The following SLC35F3 variants were observed in gnomAD, a reference collection of about 807,000 sequenced individuals.
The protein encoded by SLC35F3 is putative thiamine transporter SLC35F3.
A neutral mutation model predicts 49.9 loss-of-function variants in SLC35F3; 25 were observed. The ratio of observed to expected loss-of-function variants is 0.50; its 90% CI spans 0.37 to 0.70. The LOEUF is 0.70. Among genes scored for constraint, SLC35F3 ranks in the 30% least tolerant of loss-of-function variants. SLC35F3 has a pLI of 0.00. For synonymous variants in SLC35F3, 275 were observed against 265.4 expected (o/e 1.04, Z -0.35); for missense variants, 525 against 639.8 (o/e 0.82, Z 1.94).
Position 234,316,471 on chromosome 1 carries a change from G to A in SLC35F3, c.829-131G>A, listed in dbSNP as rs1478531056. 5.6e-6 allele frequency: 7 copies of A among 1,247,858 alleles called. No homozygotes were observed. In the African/African-American group the frequency reaches 9.0e-5, roughly 16 times the overall value. 77.3% of individuals were successfully genotyped at this position (1,247,858 alleles called of 1,614,324 possible). On this transcript the variant is annotated intron_variant, in intron 4 of 7. Transcript: ENST00000366618. ...CTTTGCCTGTTGCTCTCCCAAGGAGGAACAAAAAGGAGACACCACTTTCCC... is the reference window on the plus strand; with the variant it reads ...CTTTGCCTGTTGCTCTCCCAAGGAGAAACAAAAAGGAGACACCACTTTCCC...
At chr1:234,147,170 A>C (rs1666010003) in intron 2 of SLC35F3, among the ~76,000 whole-genome samples, 4 of 148,988 alleles carry the variant, frequency 2.7e-5, no homozygotes, top group South Asian at 4.2e-4. Flanking sequence ...GACTTACCTT[A>C]TCTCTCCTAT....
intron 2 of SLC35F3, among the ~76,000 whole-genome samples, chr1:234,200,821 C>G (rs578099413): frequency 6.6e-6 from 1 of 152,184 alleles, no homozygotes; most frequent in Admixed American, 6.5e-5. Context: ...GCTGCAGCTG[C>G]GAGACAGACC....
chr1:234,235,745 A>G (rs551584529), intron 3 of SLC35F3, among the ~76,000 whole-genome samples: 2 of 152,316 alleles, frequency 1.3e-5, no homozygotes, highest in African/African-American at 4.8e-5. Flanking sequence ...AAGCCAGCCA[A>G]TTGATTCTGC....
intron 3 of SLC35F3, among the ~76,000 whole-genome samples, chr1:234,280,923 T>C (rs1428536266): frequency 6.6e-6 from 1 of 152,154 alleles, no homozygotes; most frequent in East Asian, 1.9e-4. Flanking sequence ...AATGCTGAAG[T>C]TCTGTGTGCA....
At position 233,957,876 on chromosome 1, in the gene SLC35F3, A is replaced by T. The variant is rs1037221735; in HGVS notation, c.283+52118A>T. ...GTGGTTTTATGAGATGGCTGGGCTC[A>T]GCTGGGCAGCTCTTCTGCTGGTAGT... On this transcript the variant is annotated intron_variant, in intron 2 of 7. Coordinates refer to ENST00000366618, the MANE Select transcript of SLC35F3 (RefSeq NM_173508.4). This position sits in a 1 kb window ranked among gnomAD's most constrained non-coding sequence, Gnocchi z 4.0. Among the ~76,000 whole-genome samples the T allele has an allele frequency of 6.6e-6, 1 of 152,176 alleles. No individual in the cohort carries two copies. The highest frequency in any genetic ancestry group is 6.5e-5 in the Admixed American group (1 of 15,278).
chr1:233,922,486 C>CTTTTT (rs35271789), intron 2 of SLC35F3, among the ~76,000 whole-genome samples: 2 of 112,340 alleles, frequency 1.8e-5, no homozygotes, highest in Non-Finnish European at 1.8e-5. Context: ...TTTTGATGGC[C>CTTTTT]TTTTTTTTTT....
At chr1:233,997,044 A>G (rs982079362) in intron 2 of SLC35F3, among the ~76,000 whole-genome samples, 1 of 152,132 alleles carries the variant, frequency 6.6e-6, no homozygotes, top group African/African-American at 2.4e-5. Flanking sequence ...ATATAGCATA[A>G]TGTCCTTCAG....
chr1:234,295,704 C>G (rs951966245), intron 3 of SLC35F3, among the ~76,000 whole-genome samples: 2 of 152,154 alleles, frequency 1.3e-5, no homozygotes, highest in African/African-American at 4.8e-5. Flanking sequence ...TTTTTCATAG[C>G]GAGCTAAATA....
chr1:234,085,809 A>G (rs1308990224), intron 2 of SLC35F3, among the ~76,000 whole-genome samples: 2 of 152,186 alleles, frequency 1.3e-5, no homozygotes, highest in East Asian at 1.9e-4. Flanking sequence ...ATGGAACTCA[A>G]TAAGCCCATT....
At chr1:234,161,991 A>G (rs910976553) in intron 2 of SLC35F3, among the ~76,000 whole-genome samples, 1 of 152,026 alleles carries the variant, frequency 6.6e-6, no homozygotes, top group African/African-American at 2.4e-5. Context: ...ATCTAAGCAC[A>G]GGTCCCTTGG....
chr1:234,223,310 C>T (rs72760031), intron 2 of SLC35F3, among the ~76,000 whole-genome samples: 6,111 of 152,230 alleles, frequency 0.04, 168 homozygotes, highest in Middle Eastern at 0.095. Context: ...AGCTGGATCA[C>T]GACCTGACTC....
At chr1:234,183,208 G>A (rs1363240819) in intron 2 of SLC35F3, among the ~76,000 whole-genome samples, 1 of 142,394 alleles carries the variant, frequency 7.0e-6, no homozygotes, top group Non-Finnish European at 1.5e-5. Flanking sequence ...TGTAGAGGCA[G>A]GGTTTCACCA....
intron 3 of SLC35F3, among the ~76,000 whole-genome samples, chr1:234,280,602 C>T (rs1020987988): frequency 4.6e-5 from 7 of 152,122 alleles, no homozygotes; most frequent in African/African-American, 7.2e-5. Context: ...AGCATGGTGA[C>T]GAGGCCCTTT....
chr1:234,259,566 C>T lies in SLC35F3; in HGVS notation c.608+27825C>T, dbSNP rs528761524. On this transcript the variant is annotated intron_variant, in intron 3 of 7. Transcript: ENST00000366618. ...GTGCGTACCTGTAGTCCCAGCTACTCGGGAGGCTGAGACAGGAAAATTGCT... is the reference window on the plus strand; with the variant it reads ...GTGCGTACCTGTAGTCCCAGCTACTTGGGAGGCTGAGACAGGAAAATTGCT... Among the ~76,000 whole-genome samples, 7 of 151,958 alleles carry T rather than the reference C, an allele frequency of 4.6e-5. No individual in the cohort carries two copies. In the East Asian group the frequency reaches 5.8e-4, roughly 13 times the overall value.
At chr1:234,174,088 C>G (rs1231972405) in intron 2 of SLC35F3, among the ~76,000 whole-genome samples, 1 of 152,242 alleles carries the variant, frequency 6.6e-6, no homozygotes, top group Non-Finnish European at 1.5e-5. Flanking sequence ...CTCTGCGTGG[C>G]AGTCCTGTGT....
chr1:234,312,144 T>C (rs548161272), intron 4 of SLC35F3, among the ~76,000 whole-genome samples: 37 of 152,240 alleles, frequency 2.4e-4, no homozygotes, highest in Non-Finnish European at 2.9e-5. Context: ...TGAGAGCAGG[T>C]AGAACCCTGG....
chr1:234,013,565 A>C (rs1663757133), intron 2 of SLC35F3, among the ~76,000 whole-genome samples: 1 of 151,906 alleles, frequency 6.6e-6, no homozygotes, highest in Non-Finnish European at 1.5e-5. Flanking sequence ...CTGTTTTTTG[A>C]AAAGATAAGC....
intron 2 of SLC35F3, among the ~76,000 whole-genome samples, chr1:233,916,278 T>C (rs1462913228): frequency 6.6e-6 from 1 of 152,246 alleles, no homozygotes; most frequent in Non-Finnish European, 1.5e-5. Context: ...TATTTATTTT[T>C]ATTTTTAGAG....
intron 2 of SLC35F3, among the ~76,000 whole-genome samples, chr1:234,140,742 T>C (rs1665903144): frequency 6.6e-6 from 1 of 152,188 alleles, no homozygotes; most frequent in Admixed American, 6.5e-5. Flanking sequence ...TTTGTATATC[T>C]CGAAGTCAGG....
Sources: allele counts gnomAD v4.1 joint callset (sites outside exome capture counted in the v4.1 genomes callset), GRCh38; gene constraint gnomAD v4.1.1; non-coding constraint Gnocchi (gnomAD v3.1); transcripts MANE v1.5; gene names NCBI Gene and HGNC (gene_info 2026-07-23, HGNC 2026-07-21).